Variants in TMEM163 observed in about 807,000 individuals in gnomAD.
The protein encoded by TMEM163 is transmembrane protein 163.
In TMEM163, 17 loss-of-function variants were observed where a neutral mutation model predicts 29.3. The observed-to-expected ratio is 0.58, with a 90% confidence interval of 0.40 to 0.87. TMEM163 has a LOEUF of 0.87. TMEM163 is among the 40% of genes least tolerant of loss of function. The pLI, the probability that TMEM163 is intolerant of heterozygous loss-of-function variation, is 0.00. For missense variants in TMEM163, 303 were observed against 381.5 expected, an observed-to-expected ratio of 0.79 and a Z score of 1.71; for synonymous variants, 157 against 160.6, an observed-to-expected ratio of 0.98 and a Z score of 0.17.
intron 4 of TMEM163, among the ~76,000 whole-genome samples, chr2:134,546,993 T>G (rs1226275243): frequency 6.6e-6 from 1 of 152,100 alleles, no homozygotes; most frequent in Non-Finnish European, 1.5e-5. Context: ...GCAGTCAAAT[T>G]CATAGAAACA....
chr2:134,521,083 C>T (rs1028245139), intron 4 of TMEM163, among the ~76,000 whole-genome samples: 3 of 152,016 alleles, frequency 2.0e-5, no homozygotes, highest in Non-Finnish European at 4.4e-5. Context: ...ACTGCAACCT[C>T]CACCTCCCAA....
At chr2:134,578,765 T>TGC (rs1681620344) in intron 2 of TMEM163, among the ~76,000 whole-genome samples, 1 of 152,126 alleles carries the variant, frequency 6.6e-6, no homozygotes, top group Non-Finnish European at 1.5e-5. Context: ...TGTGTGTGTG[T>TGC]GCATGTGTGT....
intron 2 of TMEM163, among the ~76,000 whole-genome samples, chr2:134,564,892 TG>T (rs1415230743): frequency 6.6e-6 from 1 of 152,152 alleles, no homozygotes; most frequent in African/African-American, 2.4e-5. Flanking sequence ...GAACTGCTGG[TG>T]GAAGTGTAAA....
intron 2 of TMEM163, among the ~76,000 whole-genome samples, chr2:134,590,204 G>T (rs1681909030): frequency 1.3e-5 from 2 of 151,426 alleles, no homozygotes; most frequent in South Asian, 4.2e-4. Flanking sequence ...CCCAATTTCA[G>T]ACAAGGATCT....
chr2:134,523,830 C>T (rs1255044249), intron 4 of TMEM163, among the ~76,000 whole-genome samples: 1 of 152,210 alleles, frequency 6.6e-6, no homozygotes, highest in Non-Finnish European at 1.5e-5. Context: ...CCCCACTCCA[C>T]CTCACTTCTC....
rs546982360 is a variant in TMEM163, at chr2:134,714,056, TA to T, written c.203-738del. On this transcript the variant is annotated intron_variant, in intron 1 of 7. Transcript: ENST00000281924. ...CCATGTATAAGACAAATTTTATTTT[TA>T]TCTCCTATGCTTTCAACATGGAGAG... 9.8e-5 allele frequency among the ~76,000 whole-genome samples: 15 copies of T among 152,332 alleles called. No homozygotes were observed. In the South Asian group the frequency reaches 3.1e-3, roughly 32 times the overall value.
chr2:134,703,341 CCT>C (rs1558997864), intron 2 of TMEM163, among the ~76,000 whole-genome samples: 1 of 152,086 alleles, frequency 6.6e-6, no homozygotes, highest in Non-Finnish European at 1.5e-5. Context: ...AATAGAATTA[CCT>C]CTGCATCTGA....
At chr2:134,498,898 G>A (rs1367708611) in intron 5 of TMEM163, among the ~76,000 whole-genome samples, 1 of 152,194 alleles carries the variant, frequency 6.6e-6, no homozygotes, top group African/African-American at 2.4e-5. Context: ...ATGTGCCAGG[G>A]CCAAGATAGT....
At position 134,624,108 on chromosome 2, in the gene TMEM163, T is replaced by C. The variant is rs569913346; in HGVS notation, c.323-72017A>G. 5.3e-5 allele frequency among the ~76,000 whole-genome samples: 8 copies of C among 152,318 alleles called. 1 individual carries two copies. The East Asian group carries it at 9.7e-4, about 18-fold the overall frequency. On this transcript the variant is annotated intron_variant, in intron 2 of 7. Transcript: ENST00000281924. ...CCTGGTCTATAATAATTTTCATGAA[T>C]GCTCAGACCTCCCAGGCATCACCAG...
intron 2 of TMEM163, among the ~76,000 whole-genome samples, chr2:134,694,876 C>A (rs1198833020): frequency 6.6e-6 from 1 of 152,066 alleles, no homozygotes; most frequent in African/African-American, 2.4e-5. Context: ...TGCCAGAAAT[C>A]TCCCGGGATA....
chr2:134,472,227 G>T (rs747616133), intron 5 of TMEM163, among the ~76,000 whole-genome samples: 1 of 152,196 alleles, frequency 6.6e-6, no homozygotes, highest in Non-Finnish European at 1.5e-5. Context: ...TCAGGGGAAA[G>T]ATCAAATACA....
intron 2 of TMEM163, among the ~76,000 whole-genome samples, chr2:134,663,085 G>A (rs966912942): frequency 6.6e-6 from 1 of 152,182 alleles, no homozygotes; most frequent in Non-Finnish European, 1.5e-5. Flanking sequence ...CTCTATCATA[G>A]GCAACCATAC....
intron 4 of TMEM163, among the ~76,000 whole-genome samples, chr2:134,505,560 C>T (rs1354466084): frequency 6.6e-6 from 1 of 152,070 alleles, no homozygotes; most frequent in Non-Finnish European, 1.5e-5. Context: ...GCTTTCACTC[C>T]CTGAAAATCA....
At position 134,561,191 on chromosome 2, in the gene TMEM163, T is replaced by A. The variant is rs530991037; in HGVS notation, c.323-9100A>T. ...GCCAGAGCTAAAAGTAGCAGCAAAGTTCTTTTATTATTATTATTTTTGTTG... is the reference window on the plus strand; with the variant it reads ...GCCAGAGCTAAAAGTAGCAGCAAAGATCTTTTATTATTATTATTTTTGTTG... On this transcript the variant is annotated intron_variant, in intron 2 of 7. Coordinates refer to ENST00000281924, the MANE Select transcript of TMEM163 (RefSeq NM_030923.5). Among the ~76,000 whole-genome samples, 14 of 152,236 alleles carry A rather than the reference T, an allele frequency of 9.2e-5. No individual in the cohort carries two copies. The South Asian group carries it at 2.9e-3, about 32-fold the overall frequency.
Position 134,659,369 on chromosome 2 carries a change from A to G in TMEM163, c.322+53831T>C, listed in dbSNP as rs1010597487. Among the ~76,000 whole-genome samples, 20 of 152,206 alleles carry G rather than the reference A, an allele frequency of 1.3e-4. 1 individual carries two copies. The highest frequency in any genetic ancestry group is 1.1e-3 in the Admixed American group (17 of 15,280). ...AGGGTTTAAAGTCTGAGAGTCCAAG[A>G]AGACTCAGGGTTTCCTGCTTTCCCC... On this transcript the variant is annotated intron_variant, in intron 2 of 7. Transcript: ENST00000281924.
intron 4 of TMEM163, among the ~76,000 whole-genome samples, chr2:134,541,319 T>TA (rs1393922928): frequency 2.0e-5 from 3 of 152,274 alleles, no homozygotes; most frequent in Non-Finnish European, 4.4e-5. Context: ...GCATTGCTGA[T>TA]AAAAAGAATT....
At chr2:134,537,581 A>T (rs1453408176) in intron 4 of TMEM163, among the ~76,000 whole-genome samples, 1 of 152,228 alleles carries the variant, frequency 6.6e-6, no homozygotes, top group East Asian at 1.9e-4. Context: ...TCAATACATG[A>T]ATTTCAGGGA....
chr2:134,592,764 C>A (rs1205962606), intron 2 of TMEM163, among the ~76,000 whole-genome samples: 1 of 151,554 alleles, frequency 6.6e-6, no homozygotes, highest in Non-Finnish European at 1.5e-5. Context: ...TGCATATATA[C>A]ACATGTATAT....
intron 6 of TMEM163, among the ~76,000 whole-genome samples, chr2:134,465,162 G>C (rs573274296): frequency 6.8e-6 from 1 of 147,090 alleles, no homozygotes; most frequent in Non-Finnish European, 1.5e-5. Context: ...GACCAGCCTG[G>C]GCAACAACAT....
Sources: gnomAD v4.1 joint callset for allele counts (sites outside exome capture counted in the v4.1 genomes callset) on GRCh38, gnomAD v4.1.1 for gene constraint, MANE v1.5 for transcripts, NCBI Gene and HGNC (gene_info 2026-07-23, HGNC 2026-07-21) for gene names.